The following SLC24A2 variants were observed in gnomAD, a reference collection of about 807,000 sequenced individuals.
SLC24A2 encodes the protein solute carrier family 24 member 2.
SLC24A2 carries 36 observed loss-of-function variants against 62.0 expected under a neutral mutation model. That is an observed-to-expected ratio of 0.58 (90% CI 0.44 to 0.77). SLC24A2 has a LOEUF of 0.77. Among genes scored for constraint, SLC24A2 ranks in the 30% least tolerant of loss-of-function variants. The pLI, the probability that SLC24A2 is intolerant of heterozygous loss-of-function variation, is 0.00. For synonymous variants in SLC24A2, 358 were observed against 294.0 expected (o/e 1.22, Z -2.23); for missense variants, 846 against 817.9 (o/e 1.03, Z -0.42).
At chr9:19,679,721 T>C (rs1480543339) in intron 2 of SLC24A2, among the ~76,000 whole-genome samples, 1 of 152,186 alleles carries the variant, frequency 6.6e-6, no homozygotes, top group Non-Finnish European at 1.5e-5. Flanking sequence ...CCTTCAGATC[T>C]GGAATGAATC....
chr9:19,897,400 A>G, the SLC24A2 span, among the ~76,000 whole-genome samples: 1 of 152,214 alleles, frequency 6.6e-6, no homozygotes, highest in Non-Finnish European at 1.5e-5. Context: ...TTAGACATGT[A>G]CTAAAAGAAG....
chr9:19,801,913 C>A, the SLC24A2 span, among the ~76,000 whole-genome samples: 6 of 152,158 alleles, frequency 3.9e-5, no homozygotes, highest in African/African-American at 1.4e-4. Flanking sequence ...TAGAGGTCGT[C>A]CTTTATTAAA....
intron 4 of SLC24A2, among the ~76,000 whole-genome samples, chr9:19,601,756 T>A (rs1836846947): frequency 6.6e-6 from 1 of 152,236 alleles, no homozygotes. Flanking sequence ...CAACTGGGTC[T>A]GCCACTTGCT....
At position 19,786,975 on chromosome 9, in the gene SLC24A2, C is replaced by G. The variant is rs568015712; in HGVS notation, c.-109G>C. 6.7e-7 allele frequency: 1 copy of G among 1,492,938 alleles called. No homozygotes were observed. The highest frequency in any genetic ancestry group is 1.4e-5 in the African/African-American group (1 of 72,110). 92.5% of individuals were successfully genotyped at this position (1,492,938 alleles called of 1,614,324 possible). ...TAACGATGCTTGTGGGGTACTTTCA[C>G]AATCAGGGATTGTTATGCTTCACAG... On this transcript the variant is annotated 5_prime_UTR_variant, in exon 2 of 11. Transcript: ENST00000341998. This position sits in a 1 kb window ranked among gnomAD's most constrained non-coding sequence, Gnocchi z 5.0.
chr9:19,630,145 G>A (rs1818140246), intron 2 of SLC24A2, among the ~76,000 whole-genome samples: 1 of 152,072 alleles, frequency 6.6e-6, no homozygotes. Flanking sequence ...ATTACCTGTG[G>A]CCTAATCATT....
chr9:20,168,878 G>A, the SLC24A2 span, among the ~76,000 whole-genome samples: 1 of 151,842 alleles, frequency 6.6e-6, no homozygotes, highest in Non-Finnish European at 1.5e-5. Flanking sequence ...TTGAAACCAG[G>A]GATTCAAACA....
At chr9:20,300,150 A>G in the SLC24A2 span, among the ~76,000 whole-genome samples, 2 of 152,222 alleles carry the variant, frequency 1.3e-5, no homozygotes, top group African/African-American at 2.4e-5. Flanking sequence ...TAGTAGGTAT[A>G]TATGTATTTA....
chr9:20,115,811 C>T, the SLC24A2 span, among the ~76,000 whole-genome samples: 2 of 152,106 alleles, frequency 1.3e-5, no homozygotes, highest in African/African-American at 2.4e-5. Context: ...TGAATTTCTC[C>T]CATCTTCTTC....
the SLC24A2 span, among the ~76,000 whole-genome samples, chr9:20,301,951 T>G: frequency 6.6e-6 from 1 of 152,186 alleles, no homozygotes; most frequent in African/African-American, 2.4e-5. Context: ...TTTTACTGTC[T>G]TCACAGTTTT....
At chr9:19,980,670 T>C in the SLC24A2 span, among the ~76,000 whole-genome samples, 1 of 152,114 alleles carries the variant, frequency 6.6e-6, no homozygotes, top group Non-Finnish European at 1.5e-5. Flanking sequence ...TTATGAAAAT[T>C]AAGTAGATAA....
At chr9:20,270,839 G>A in the SLC24A2 span, among the ~76,000 whole-genome samples, 1 of 152,164 alleles carries the variant, frequency 6.6e-6, no homozygotes, top group African/African-American at 2.4e-5. Flanking sequence ...GAAAGCTGAT[G>A]TCTTAGAATA....
chr9:19,584,040 A>T (rs1055548521), intron 5 of SLC24A2, among the ~76,000 whole-genome samples: 7 of 152,082 alleles, frequency 4.6e-5, no homozygotes, highest in African/African-American at 1.7e-4. Flanking sequence ...TACAGTCCTT[A>T]TTTCAGCTTG....
the SLC24A2 span, among the ~76,000 whole-genome samples, chr9:20,140,284 G>A: frequency 6.6e-6 from 1 of 152,202 alleles, no homozygotes; most frequent in Non-Finnish European, 1.5e-5. Context: ...TGTACACAGA[G>A]AGAGTGGAAT....
intron 2 of SLC24A2, among the ~76,000 whole-genome samples, chr9:19,731,786 A>T (rs1020621974): frequency 1.3e-5 from 2 of 152,206 alleles, no homozygotes; most frequent in African/African-American, 4.8e-5. Flanking sequence ...GGTTGACACC[A>T]AATAAATGGT....
the SLC24A2 span, among the ~76,000 whole-genome samples, chr9:20,172,586 C>G: frequency 6.6e-6 from 1 of 152,012 alleles, no homozygotes; most frequent in Non-Finnish European, 1.5e-5. Flanking sequence ...TGCACATAAA[C>G]TTGAAAACCT....
At chr9:20,003,990 C>A in the SLC24A2 span, among the ~76,000 whole-genome samples, 1 of 151,782 alleles carries the variant, frequency 6.6e-6, no homozygotes, top group Non-Finnish European at 1.5e-5. Context: ...GGGAAAAAAC[C>A]TTACATATAT....
At chr9:19,650,064 T>A (rs1487457621) in intron 2 of SLC24A2, among the ~76,000 whole-genome samples, 1 of 152,112 alleles carries the variant, frequency 6.6e-6, no homozygotes, top group Non-Finnish European at 1.5e-5. Flanking sequence ...TTGATCCTCA[T>A]AGGGAAAAAG....
chr9:19,887,393 G>A, the SLC24A2 span, among the ~76,000 whole-genome samples: 2 of 152,038 alleles, frequency 1.3e-5, no homozygotes, highest in African/African-American at 4.8e-5. Flanking sequence ...TTGCTGTACA[G>A]ATGAATGGGC....
intron 7 of SLC24A2, among the ~76,000 whole-genome samples, chr9:19,563,636 A>G (rs1220210947): frequency 6.6e-6 from 1 of 152,204 alleles, no homozygotes; most frequent in Non-Finnish European, 1.5e-5. Context: ...TTTAAACAAC[A>G]GTGACGATGC....
Sources: allele counts gnomAD v4.1 joint callset (sites outside exome capture counted in the v4.1 genomes callset), GRCh38; gene constraint gnomAD v4.1.1; non-coding constraint Gnocchi (gnomAD v3.1); transcripts MANE v1.5; gene names NCBI Gene and HGNC (gene_info 2026-07-23, HGNC 2026-07-21).